The following CACNA1C variants were observed in gnomAD, a reference collection of about 807,000 sequenced individuals.
CACNA1C encodes voltage-dependent L-type calcium channel subunit alpha-1C.
Under a neutral mutation model 229.0 loss-of-function variants are expected in CACNA1C, and 30 were observed. The ratio of observed to expected loss-of-function variants is 0.13; its 90% confidence interval spans 0.10 to 0.18. The LOEUF is 0.18. Ranked by LOEUF, CACNA1C falls within the 10% of genes least tolerant of loss-of-function variation. The probability of loss-of-function intolerance (pLI) is 1.00; values close to 1 mark genes in which losing one functional copy is unlikely to be tolerated. For missense variants in CACNA1C, 1,658 were observed against 2,845.0 expected (o/e 0.58, Z 9.49); for synonymous variants, 1,114 against 1,132.5 (o/e 0.98, Z 0.33).
intron 5 of CACNA1C, among the ~76,000 whole-genome samples, chr12:2,482,627 G>A (rs969640934): frequency 3.9e-5 from 6 of 152,178 alleles, no homozygotes; most frequent in Non-Finnish European, 5.9e-5. Context: ...GTGTTCCAGG[G>A]CAGTCCTTCA....
intron 6 of CACNA1C, among the ~76,000 whole-genome samples, chr12:2,490,968 G>A (rs1207155542): frequency 6.6e-6 from 1 of 152,164 alleles, no homozygotes; most frequent in African/African-American, 2.4e-5. Flanking sequence ...ATTCATAATA[G>A]CCCAAACCTG....
chr12:1,979,658 C>T (rs186094122), intron 1 of CACNA1C, among the ~76,000 whole-genome samples: 220 of 152,304 alleles, frequency 1.4e-3, no homozygotes, highest in African/African-American at 4.9e-3. Flanking sequence ...TTGGATCATA[C>T]GCTAGTTATA....
intron 1 of CACNA1C, among the ~76,000 whole-genome samples, chr12:2,077,139 G>T (rs544884398): frequency 1.3e-5 from 2 of 152,380 alleles, no homozygotes; most frequent in South Asian, 4.1e-4. Flanking sequence ...AGCTGCATGT[G>T]TGAGTATGTG....
chr12:2,083,093 G>T (rs576863894), intron 1 of CACNA1C, among the ~76,000 whole-genome samples: 1 of 152,292 alleles, frequency 6.6e-6, no homozygotes, highest in East Asian at 1.9e-4. Context: ...GGAACAGGGA[G>T]CTCTGATGCA....
At chr12:2,460,082 A>G (rs902584724) in intron 5 of CACNA1C, among the ~76,000 whole-genome samples, 1 of 152,092 alleles carries the variant, frequency 6.6e-6, no homozygotes, top group African/African-American at 2.4e-5. Context: ...ACTCAGCTGG[A>G]CTCTGGGCTT....
intron 26 of CACNA1C, 104 bp downstream of exon 26, chr12:2,607,234 G>A: frequency 8.1e-7 from 1 of 1,241,448 alleles, no homozygotes; most frequent in South Asian, 1.5e-5. Flanking sequence ...TCCCTCTGGA[G>A]GTCATATTTA....
intron 4 of CACNA1C, among the ~76,000 whole-genome samples, chr12:2,454,422 A>G (rs2099403703): frequency 6.6e-6 from 1 of 151,768 alleles, no homozygotes; most frequent in Non-Finnish European, 1.5e-5. Context: ...CCTGACTCCC[A>G]CGATCCCTTC....
chr12:2,550,553 C>T (rs753805299), intron 10 of CACNA1C: 9 of 1,351,684 alleles, frequency 6.7e-6, no homozygotes, highest in Admixed American at 3.8e-5. Flanking sequence ...GTAAGGGAAG[C>T]AGAAGTGCAG....
At chr12:2,687,613 C>A (rs748721071) in intron 45 of CACNA1C, among the ~76,000 whole-genome samples, 6 of 151,614 alleles carry the variant, frequency 4.0e-5, no homozygotes, top group Non-Finnish European at 8.8e-5. Flanking sequence ...GATCTCGGCT[C>A]ACCACAACCT....
Position 2,275,576 on chromosome 12 carries a change from G to C in CACNA1C, c.477+155146G>C, listed in dbSNP as rs1372388769. 6.6e-6 allele frequency among the ~76,000 whole-genome samples: 1 copy of C among 152,018 alleles called. No homozygotes were observed. Among genetic ancestry groups the C allele is most frequent in the Non-Finnish European group, 1.5e-5 (1 of 68,022 alleles). On this transcript the variant is annotated intron_variant, in intron 3 of 46. Transcript: ENST00000399655. The surrounding 1 kb of genome is among the most constrained non-coding windows in gnomAD (Gnocchi z 4.1). ...CTGCCACCTCCATCTGCACCTGCTT[G>C]TGGAGCCTGTGTCATGGAAGAGAGG... is the stretch of plus-strand genomic sequence containing the variant.
rs1281850953 is a variant in CACNA1C at position 2,486,319 on chromosome 12, C to CT, written c.916+60dup. On this transcript the variant is annotated intron_variant, in intron 6 of 46. Transcript: ENST00000399655. The surrounding 1 kb of genome is among the most constrained non-coding windows in gnomAD (Gnocchi z 4.9). ...CCCTGCCCTCTATCGCTCCCAGCAC[C>CT]TTTCCCGCTGCTGGCTACACCAACA... 1.4e-6 allele frequency: 2 copies of CT among 1,464,236 alleles called. No individual in the cohort carries two copies. The highest frequency in any genetic ancestry group is 2.3e-5 in the East Asian group (1 of 43,214). 90.7% of individuals were successfully genotyped at this position (1,464,236 alleles called of 1,614,324 possible).
chr12:2,424,027 AGT>A (rs1234556824), intron 3 of CACNA1C, among the ~76,000 whole-genome samples: 1 of 152,104 alleles, frequency 6.6e-6, no homozygotes, highest in East Asian at 1.9e-4. Context: ...CTGCGATGTC[AGT>A]GTTTCTTCAG....
chr12:2,425,850 G>GA, intron 3 of CACNA1C, among the ~76,000 whole-genome samples: 1 of 152,212 alleles, frequency 6.6e-6, no homozygotes, highest in East Asian at 1.9e-4. Flanking sequence ...AGAATGAGAA[G>GA]AAAAAGTTTC....
intron 9 of CACNA1C, among the ~76,000 whole-genome samples, chr12:2,527,868 G>T (rs777693757): frequency 6.6e-6 from 1 of 152,098 alleles, no homozygotes; most frequent in African/African-American, 2.4e-5. Context: ...AAGCTAAGGG[G>T]TCAGTTGCTA....
chr12:2,045,564 C>T (rs982633893), intron 1 of CACNA1C, among the ~76,000 whole-genome samples: 2 of 152,172 alleles, frequency 1.3e-5, no homozygotes, highest in African/African-American at 4.8e-5. Flanking sequence ...GAAGAAGCAT[C>T]CTCCATAGTG....
intron 1 of CACNA1C, among the ~76,000 whole-genome samples, chr12:2,009,529 G>C (rs1379840191): frequency 6.6e-6 from 1 of 152,226 alleles, no homozygotes; most frequent in East Asian, 1.9e-4. Flanking sequence ...TTGTCCTGTA[G>C]TAGAATATGT....
intron 3 of CACNA1C, among the ~76,000 whole-genome samples, chr12:2,202,619 C>A (rs2154321969): frequency 6.6e-6 from 1 of 152,324 alleles, no homozygotes; most frequent in African/African-American, 2.4e-5. Context: ...GGTGGTGCCT[C>A]TTCTGCCCCT....
intron 3 of CACNA1C, among the ~76,000 whole-genome samples, chr12:2,272,934 TCATATTA>T (rs923965357): frequency 5.3e-5 from 8 of 152,270 alleles, no homozygotes; most frequent in Admixed American, 4.6e-4. Context: ...AAGAAACTGC[TCATATTA>T]CATATTACAG....
At chr12:2,374,999 G>A (rs148309076) in intron 3 of CACNA1C, among the ~76,000 whole-genome samples, 1 of 152,344 alleles carries the variant, frequency 6.6e-6, no homozygotes, top group East Asian at 1.9e-4. Context: ...TCCAGTGACA[G>A]TCTACGTCTT....
Sources: gnomAD v4.1 joint callset for allele counts (sites outside exome capture counted in the v4.1 genomes callset) on GRCh38, gnomAD v4.1.1 for gene constraint, Gnocchi (gnomAD v3.1) non-coding constraint, MANE v1.5 for transcripts, NCBI Gene and HGNC (gene_info 2026-07-23, HGNC 2026-07-21) for gene names.